ZMYM1: variants seen among roughly 807,000 people sequenced by gnomAD.
ZMYM1 encodes zinc finger MYM-type containing 1, also known as zinc finger MYM-type protein 1.
Under a neutral mutation model 60.0 loss-of-function variants are expected in ZMYM1, and 39 were observed. That is an observed-to-expected ratio of 0.65 (90% CI 0.50 to 0.85). ZMYM1 has a LOEUF of 0.85. Among genes scored for constraint, ZMYM1 ranks in the 40% least tolerant of loss-of-function variants. The pLI is 0.00. For missense variants in ZMYM1, 1,171 were observed against 1,309.5 expected, an observed-to-expected ratio of 0.89 and a Z score of 1.63; for synonymous variants, 413 against 454.0, an observed-to-expected ratio of 0.91 and a Z score of 1.15.
intron 1 of ZMYM1, among the ~76,000 whole-genome samples, chr1:35,065,959 GA>G (rs1641965549): frequency 6.6e-6 from 1 of 152,006 alleles, no homozygotes; most frequent in African/African-American, 2.4e-5. Context: ...CAAGAGTTCA[GA>G]AAACAAAAAC....
At chr1:35,071,271 G>A (rs1439608052) in intron 1 of ZMYM1, among the ~76,000 whole-genome samples, 1 of 152,046 alleles carries the variant, frequency 6.6e-6, no homozygotes, top group Non-Finnish European at 1.5e-5. Flanking sequence ...ACTTGTTCGT[G>A]GTGAATGATA....
chr1:35,068,166 C>G (rs1168685215), intron 1 of ZMYM1, among the ~76,000 whole-genome samples: 1 of 151,606 alleles, frequency 6.6e-6, no homozygotes, highest in Non-Finnish European at 1.5e-5. Flanking sequence ...TGCCTGTAAT[C>G]CAAGCACTTT....
At chr1:35,079,121 G>C (rs1410779057), upstream of ZMYM1, 4 of 152,336 alleles carry the variant, frequency 2.6e-5, no homozygotes, top group East Asian at 7.7e-4. Flanking sequence ...CAGCTAATAA[G>C]TAGTAAAGCC....
intron 6 of ZMYM1, among the ~76,000 whole-genome samples, chr1:35,105,560 A>G (rs1261483139): frequency 6.6e-6 from 1 of 152,224 alleles, no homozygotes; most frequent in Non-Finnish European, 1.5e-5. Flanking sequence ...CAGCCTCCCA[A>G]GGAACTGGGA....
chr1:35,116,129 G>A (rs1644246745), downstream of ZMYM1, among the ~76,000 whole-genome samples: 1 of 152,054 alleles, frequency 6.6e-6, no homozygotes, highest in Admixed American at 6.6e-5. Context: ...CAGCTACTTG[G>A]GAGGCTGAGG....
Position 35,113,206 on chromosome 1 carries a change from CTTG to C in ZMYM1, c.1381_1383del (p.Cys461del), listed in dbSNP as rs746147349. ...GGTAAATCACGAAGTATTAAAAAAT[CTTG>C]TTGTGCAGATTTTGAGTGTTTGGAA... On this transcript the variant is annotated inframe_deletion, in exon 10 of 10. Coordinates refer to ENST00000359858, the MANE Select transcript of ZMYM1 (RefSeq NM_024772.5). 2.0e-5 allele frequency: 32 copies of C among 1,613,328 alleles called. 1 individual carries two copies. The highest frequency in any genetic ancestry group is 1.4e-4 in the South Asian group (13 of 91,026).
rs1056575213 is a variant in ZMYM1 at position 35,114,806 on chromosome 1, G to A, written c.2976G>A (p.Lys992=). ...CFSEFDYCKI[K]QISELLFKWN... ...CGGAGTTTGATTATTGCAAAATAAA[G>A]CAAATTTCAGAACTGTTATTTAAAT... The change falls in exon 10 of 10, where the codon AAG becomes AAA. Residue 992 remains lysine (K), a synonymous_variant. Coordinates refer to ENST00000359858, the MANE Select transcript of ZMYM1 (RefSeq NM_024772.5). 1 of 1,606,128 alleles carries A rather than the reference G, an allele frequency of 6.2e-7. No homozygotes were observed. Among genetic ancestry groups the A allele is most frequent in the Non-Finnish European group, 8.5e-7 (1 of 1,176,562 alleles).
chr1:35,112,704 GTTC>G (rs1570043214), intron 9 of ZMYM1, among the ~76,000 whole-genome samples: 1 of 149,442 alleles, frequency 6.7e-6, no homozygotes, highest in Non-Finnish European at 1.5e-5. Flanking sequence ...TTTCCTCTGG[GTTC>G]TTCTTTTAAA....
In ZMYM1 at chr1:35,114,767, A is replaced by G. The variant is rs1192779976; in HGVS notation, c.2937A>G (p.Leu979=). 6.3e-7 allele frequency: 1 copy of G among 1,595,826 alleles called. No individual in the cohort carries two copies. The highest frequency in any genetic ancestry group is 8.6e-7 in the Non-Finnish European group (1 of 1,169,320). The part of the protein sequence containing the change: ...YQGLDTILQN[L]KLCFSEFDYC... ...GATTAGATACTATATTACAAAATTT[A>G]AAGTTATGTTTTTCGGAGTTTGATT... The change falls in exon 10 of 10, where the codon TTA becomes TTG. Residue 979 remains leucine, a synonymous_variant. Coordinates refer to ENST00000359858, the MANE Select transcript of ZMYM1 (RefSeq NM_024772.5).
upstream of ZMYM1, among the ~76,000 whole-genome samples, chr1:35,075,638 C>T (rs1569852143): frequency 6.6e-6 from 1 of 152,090 alleles, no homozygotes; most frequent in East Asian, 1.9e-4. Context: ...AAATTAATTG[C>T]CCTAATAAGA....
intron 1 of ZMYM1, among the ~76,000 whole-genome samples, chr1:35,085,397 G>A (rs1159985774): frequency 6.6e-6 from 1 of 152,184 alleles, no homozygotes; most frequent in Non-Finnish European, 1.5e-5. Flanking sequence ...GAGCTCAGTT[G>A]GTTTCCAAAC....
downstream of ZMYM1, among the ~76,000 whole-genome samples, chr1:35,117,359 C>A (rs1480313224): frequency 2.6e-5 from 4 of 151,860 alleles, no homozygotes; most frequent in African/African-American, 9.7e-5. Flanking sequence ...GCTCTGTTGC[C>A]CAGGCTGGAG....
At chr1:35,089,998 G>A (rs1479271092) in intron 1 of ZMYM1, among the ~76,000 whole-genome samples, 4 of 149,572 alleles carry the variant, frequency 2.7e-5, no homozygotes, top group South Asian at 2.1e-4. Context: ...TCCGCCTCCC[G>A]GGCTCATGCC....
chr1:35,111,710 A>G, intron 7 of ZMYM1, 62 bp from the exon 8 acceptor site: 1 of 1,471,644 alleles, frequency 6.8e-7, no homozygotes, highest in Non-Finnish European at 9.1e-7. Flanking sequence ...CAGTATTACT[A>G]AACAGTACTT....
intron 6 of ZMYM1, among the ~76,000 whole-genome samples, chr1:35,109,413 C>T (rs981215505): frequency 2.0e-5 from 3 of 152,154 alleles, no homozygotes; most frequent in Non-Finnish European, 4.4e-5. Context: ...ACAGTAATGC[C>T]TGCCTTTCAA....
At chr1:35,096,236 T>C (rs1477326944) in intron 3 of ZMYM1, among the ~76,000 whole-genome samples, 3 of 150,872 alleles carry the variant, frequency 2.0e-5, no homozygotes, top group African/African-American at 7.3e-5. Flanking sequence ...TGCTTGAACC[T>C]GGGAGGCAGA....
At chr1:35,105,607 T>A (rs936227042) in intron 6 of ZMYM1, among the ~76,000 whole-genome samples, 4 of 152,144 alleles carry the variant, frequency 2.6e-5, no homozygotes, top group Admixed American at 6.5e-5. Context: ...CTATTTATTT[T>A]TTTTATTTAT....
chr1:35,101,840 C>G (rs1195948176), intron 4 of ZMYM1, among the ~76,000 whole-genome samples: 2 of 152,080 alleles, frequency 1.3e-5, no homozygotes, highest in African/African-American at 2.4e-5. Context: ...ACCGCGCCTG[C>G]TATTAGGTGT....
intron 6 of ZMYM1, among the ~76,000 whole-genome samples, chr1:35,107,157 G>C (rs1643918366): frequency 6.7e-6 from 1 of 148,900 alleles, no homozygotes; most frequent in Non-Finnish European, 1.5e-5. Flanking sequence ...GGCCGGCCTT[G>C]TTCTGTTTTT....
Sources: allele counts gnomAD v4.1 joint callset (sites outside exome capture counted in the v4.1 genomes callset), GRCh38; gene constraint gnomAD v4.1.1; transcripts MANE v1.5; gene names NCBI Gene and HGNC (gene_info 2026-07-23, HGNC 2026-07-21).